ZNF536: variants seen among roughly 807,000 people sequenced by gnomAD.
ZNF536 encodes zinc finger protein 536.
A neutral mutation model predicts 84.5 loss-of-function variants in ZNF536; 13 were observed. That is an observed-to-expected ratio of 0.15 (90% CI 0.10 to 0.24). The LOEUF is 0.24. Ranked by LOEUF, ZNF536 falls within the 10% of genes least tolerant of loss-of-function variation. The pLI is 1.00. For missense variants in ZNF536, 1,536 were observed against 1,747.5 expected (o/e 0.88, Z 2.16); for synonymous variants, 811 against 742.5 (o/e 1.09, Z -1.50).
chr19:30,229,572 G>GGT (rs1035986459), intron 1 of ZNF536, among the ~76,000 whole-genome samples: 3 of 112,700 alleles, frequency 2.7e-5, no homozygotes, highest in African/African-American at 1.2e-4. Flanking sequence ...TGCGGGTGGT[G>GGT]GGGGGGGCTC....
Position 30,445,622 on chromosome 19 carries a change from C to G in ZNF536, c.2060C>G (p.Thr687Ser), listed in dbSNP as rs2148231928. 1 of 1,612,808 alleles carries G rather than the reference C, an allele frequency of 6.2e-7. No homozygotes were observed. Among genetic ancestry groups the G allele is most frequent in the South Asian group, 1.1e-5 (1 of 90,988 alleles). ...DQESQSVSRS[T>S]TPGSSNVTEE... The stretch of plus-strand genomic sequence containing the variant: ...GAGTCCCAGTCGGTGAGCCGCTCCA[C>G]CACGCCGGGCTCCTCTAACGTCACC... Residue 687 changes from threonine (T) to serine (S), a missense_variant, in exon 2 of 5, where the codon ACC becomes AGC. Thr to Ser is a moderately conservative substitution (Grantham distance 58). This residue lies in a region of ZNF536 where 148 missense variants were observed against 205.4 expected (regional missense o/e 0.72). Coordinates refer to ENST00000355537, the MANE Select transcript of ZNF536 (RefSeq NM_014717.3). This position sits in a 1 kb window ranked among gnomAD's most constrained non-coding sequence, Gnocchi z 4.5.
intron 2 of ZNF536, among the ~76,000 whole-genome samples, chr19:30,533,792 C>T (rs1317898584): frequency 4.6e-5 from 7 of 152,170 alleles, no homozygotes; most frequent in African/African-American, 1.4e-4. Context: ...AGGATCACCC[C>T]GCTATCCTCA....
intron 1 of ZNF536, among the ~76,000 whole-genome samples, chr19:30,628,207 A>G (rs546429075): frequency 6.6e-6 from 1 of 152,264 alleles, no homozygotes; most frequent in South Asian, 2.1e-4. Flanking sequence ...AACAGGGCTA[A>G]TCCTTGCCTT....
intron 3 of ZNF536, among the ~76,000 whole-genome samples, chr19:30,352,890 T>C (rs2047978308): frequency 6.6e-6 from 1 of 152,246 alleles, no homozygotes; most frequent in Non-Finnish European, 1.5e-5. Context: ...TCCAAGAAAG[T>C]GCTGCTGTTA....
chr19:30,477,608 A>G (rs1311003264), intron 2 of ZNF536, among the ~76,000 whole-genome samples: 4 of 152,150 alleles, frequency 2.6e-5, no homozygotes, highest in African/African-American at 7.2e-5. Context: ...ACAACCCAGT[A>G]ATTTGTTTGG....
At chr19:30,451,127 A>G (rs2052587081) in intron 2 of ZNF536, among the ~76,000 whole-genome samples, 1 of 152,258 alleles carries the variant, frequency 6.6e-6, no homozygotes. Flanking sequence ...GCCTAGGCGA[A>G]TAAGCCGGCT....
At chr19:30,578,109 C>G (rs2046801574) in intron 1 of ZNF536, among the ~76,000 whole-genome samples, 1 of 152,100 alleles carries the variant, frequency 6.6e-6, no homozygotes, top group African/African-American at 2.4e-5. Context: ...CACCCTGTAT[C>G]CTATTTACTT....
intron 1 of ZNF536, among the ~76,000 whole-genome samples, chr19:30,431,299 G>T (rs1042336405): frequency 1.3e-5 from 2 of 152,142 alleles, no homozygotes; most frequent in Non-Finnish European, 2.9e-5. Flanking sequence ...AGCTAGGGAT[G>T]CTAAATTGGG....
intron 3 of ZNF536, among the ~76,000 whole-genome samples, chr19:30,357,343 G>A (rs1253994906): frequency 2.6e-5 from 4 of 152,204 alleles, no homozygotes; most frequent in Admixed American, 6.5e-5. Flanking sequence ...GAAGAGCGTG[G>A]CATGTCTAAG....
chr19:30,642,337 G>T (rs76057276), intron 1 of ZNF536, among the ~76,000 whole-genome samples: 3,418 of 152,274 alleles, frequency 0.022, 56 homozygotes, highest in Non-Finnish European at 0.038. Flanking sequence ...CAACCAGGGG[G>T]TTTGAGGGTC....
chr19:30,474,179 G>T (rs1192995603), intron 2 of ZNF536, among the ~76,000 whole-genome samples: 1 of 152,186 alleles, frequency 6.6e-6, no homozygotes, highest in Non-Finnish European at 1.5e-5. Context: ...TTTAGTGGAT[G>T]TTGACGCCAT....
chr19:30,397,267 C>T (rs183409324), intron 1 of ZNF536, among the ~76,000 whole-genome samples: 3 of 152,316 alleles, frequency 2.0e-5, no homozygotes, highest in East Asian at 1.9e-4. Flanking sequence ...GAAAGACTCT[C>T]TCTGGCATGA....
At chr19:30,485,482 C>G (rs1309037180) in intron 2 of ZNF536, among the ~76,000 whole-genome samples, 2 of 152,184 alleles carry the variant, frequency 1.3e-5, no homozygotes, top group Admixed American at 6.5e-5. Flanking sequence ...ACATCTCTTT[C>G]CTGTCACTAT....
At chr19:30,364,377 A>G (rs1465696441) in intron 3 of ZNF536, among the ~76,000 whole-genome samples, 1 of 152,004 alleles carries the variant, frequency 6.6e-6, no homozygotes, top group Non-Finnish European at 1.5e-5. Flanking sequence ...ATATACAAAA[A>G]TTAGCTGGGC....
At chr19:30,487,875 C>G (rs1424372535) in intron 2 of ZNF536, among the ~76,000 whole-genome samples, 1 of 152,138 alleles carries the variant, frequency 6.6e-6, no homozygotes, top group Non-Finnish European at 1.5e-5. Context: ...TTAGTGGTCT[C>G]CAATTATATG....
chr19:30,582,951 A>T (rs913470920), intron 1 of ZNF536, among the ~76,000 whole-genome samples: 1 of 152,166 alleles, frequency 6.6e-6, no homozygotes, highest in African/African-American at 2.4e-5. Flanking sequence ...ACCATATCAG[A>T]TGTGGTCTCA....
intron 1 of ZNF536, among the ~76,000 whole-genome samples, chr19:30,705,161 A>G (rs2052172093): frequency 6.6e-6 from 1 of 152,172 alleles, no homozygotes; most frequent in African/African-American, 2.4e-5. Flanking sequence ...TTTCAGTTAT[A>G]TTTGATTCTT....
At chr19:30,325,848 C>T (rs1289930735) in intron 2 of ZNF536, among the ~76,000 whole-genome samples, 2 of 152,132 alleles carry the variant, frequency 1.3e-5, no homozygotes, top group African/African-American at 4.8e-5. Context: ...CTGGGCTGCC[C>T]GGCTGTGCCA....
At chr19:30,572,208 A>C (rs1037354696) in intron 1 of ZNF536, among the ~76,000 whole-genome samples, 1 of 152,206 alleles carries the variant, frequency 6.6e-6, no homozygotes, top group Non-Finnish European at 1.5e-5. Flanking sequence ...CTTCTCTGGA[A>C]AAGGAACTCT....
Sources: gnomAD v4.1 joint callset for allele counts (sites outside exome capture counted in the v4.1 genomes callset) on GRCh38, gnomAD v4.1.1 for gene constraint, gnomAD v4.1.1 regional missense constraint, Gnocchi (gnomAD v3.1) non-coding constraint, MANE v1.5 for transcripts, NCBI Gene and HGNC (gene_info 2026-07-23, HGNC 2026-07-21) for gene names.